Variants in ENKUR observed in about 807,000 individuals in gnomAD.
The protein encoded by ENKUR is enkurin.
ENKUR carries 19 observed loss-of-function variants against 27.6 expected under a neutral mutation model. The observed-to-expected ratio is 0.69, with a 90% CI of 0.48 to 1.01. The LOEUF (loss-of-function observed/expected upper bound fraction) is 1.01. Ranked by LOEUF, ENKUR falls within the 50% of genes least tolerant of loss-of-function variation. The pLI, the probability that ENKUR is intolerant of heterozygous loss-of-function variation, is 0.00. For synonymous variants in ENKUR, 117 were observed against 96.9 expected (o/e 1.21, Z -1.22); for missense variants, 312 against 310.5 (o/e 1.00, Z -0.04).
chr10:24,995,560 A>T, intron 3 of ENKUR, 86 bp downstream of exon 3: 1 of 1,186,914 alleles, frequency 8.4e-7, no homozygotes, highest in Non-Finnish European at 1.2e-6. Context: ...TGAGAGCACT[A>T]ATAATGATAA....
intron 2 of ENKUR, among the ~76,000 whole-genome samples, chr10:25,031,388 G>A (rs1411667910): frequency 6.6e-6 from 1 of 152,148 alleles, no homozygotes; most frequent in Non-Finnish European, 1.5e-5. Flanking sequence ...AGGTCATGTG[G>A]AAAGAGGCCT....
chr10:25,040,637 T>G (rs1002892453), intron 2 of ENKUR, among the ~76,000 whole-genome samples: 1 of 152,218 alleles, frequency 6.6e-6, no homozygotes, highest in Admixed American at 6.5e-5. Context: ...CCCAAAGTGC[T>G]GGGATTACAG....
At chr10:25,006,174 C>A (rs1035286668) in intron 1 of ENKUR, among the ~76,000 whole-genome samples, 1 of 151,902 alleles carries the variant, frequency 6.6e-6, no homozygotes, top group African/African-American at 2.4e-5. Context: ...AGCTGCACAC[C>A]CAGAGCACAA....
In ENKUR at chr10:25,016,127, T is replaced by A. The variant is rs1850565409; in HGVS notation, c.-191A>T. 9 of 1,254,660 alleles carry A rather than the reference T, an allele frequency of 7.2e-6. No individual in the cohort carries two copies. Among genetic ancestry groups the A allele is most frequent in the Non-Finnish European group, 8.0e-6 (8 of 997,740 alleles). 77.7% of individuals were successfully genotyped at this position (1,254,660 alleles called of 1,614,324 possible). ...CTCTCTCGGGAAGAAAACACCCTAT[T>A]TCTCTCCGGATTGCTAAGCGTCGTT... On this transcript the variant is annotated 5_prime_UTR_variant, in exon 1 of 6. Transcript: ENST00000331161.
intron 2 of ENKUR, among the ~76,000 whole-genome samples, chr10:25,052,768 CTCT>C (rs753489273): frequency 4.1e-4 from 54 of 133,266 alleles, no homozygotes; most frequent in South Asian, 1.1e-3. Flanking sequence ...GTGAGACTCT[CTCT>C]TTTTTTTCTT....
At chr10:25,037,124 T>C (rs1851017496) in intron 2 of ENKUR, among the ~76,000 whole-genome samples, 1 of 152,178 alleles carries the variant, frequency 6.6e-6, no homozygotes, top group African/African-American at 2.4e-5. Flanking sequence ...GTTGTGAAGA[T>C]GAAGCTAGAA....
intron 2 of ENKUR, among the ~76,000 whole-genome samples, chr10:24,999,003 T>C (rs145965049): frequency 2.6e-5 from 4 of 152,318 alleles, no homozygotes; most frequent in African/African-American, 4.8e-5. Flanking sequence ...CAACTGGTAG[T>C]AATGGTTGTA....
At chr10:25,061,373 G>A in intron 1 of ENKUR, 2 of 558,736 alleles carry the variant, frequency 3.6e-6, no homozygotes, top group East Asian at 6.0e-5. Flanking sequence ...ATGGGCTCTG[G>A]AAGGAGGAGT....
At chr10:25,008,367 A>C (rs909175041) in intron 1 of ENKUR, among the ~76,000 whole-genome samples, 3 of 152,226 alleles carry the variant, frequency 2.0e-5, no homozygotes, top group African/African-American at 4.8e-5. Flanking sequence ...TAAGACAAGA[A>C]ACTCTGGATC....
At position 25,024,413 on chromosome 10, in the gene ENKUR, A is replaced by G. The variant is rs780227831; in HGVS notation, c.38-28544T>C. On this transcript the variant is annotated intron_variant, in intron 2 of 5. Coordinates refer to the ENKUR transcript ENST00000615958. ...GGTTTTAGTCGTCTAAATAAGAATG[A>G]TAAGCAAAGGATAGCTGTGGTTGCA... The G allele has an allele frequency of 3.1e-6, 5 of 1,613,996 alleles. No individual in the cohort carries two copies. Among genetic ancestry groups the G allele is most frequent in the East Asian group, 2.2e-5 (1 of 44,886 alleles).
upstream of ENKUR, among the ~76,000 whole-genome samples, chr10:25,019,002 C>T (rs1850667307): frequency 6.6e-6 from 1 of 152,132 alleles, no homozygotes; most frequent in Non-Finnish European, 1.5e-5. Flanking sequence ...ACCCTCACCT[C>T]TGTTTCATGG....
At chr10:25,055,997 T>C (rs1851251623) in intron 2 of ENKUR, among the ~76,000 whole-genome samples, 3 of 152,088 alleles carry the variant, frequency 2.0e-5, no homozygotes, top group African/African-American at 7.2e-5. Context: ...ACCATTATCA[T>C]TGTCATGATC....
At position 24,999,530 on chromosome 10, in the gene ENKUR, T is replaced by C. The variant is rs1850141892; in HGVS notation, c.94A>G (p.Lys32Glu). Residue 32 changes from lysine (K) to glutamate (E), a missense_variant, in exon 2 of 6, where the codon AAG becomes GAG. Physicochemically the swap from Lys to Glu is moderately conservative, Grantham distance 56. Coordinates refer to ENST00000331161, the MANE Select transcript of ENKUR (RefSeq NM_145010.4). Reference sequence around the variant, plus strand: ...TGCATGTCATCTTTTACAGTTGCCTTAAAAATGGATATGTACCTAAAATTG... The same window carrying C: ...TGCATGTCATCTTTTACAGTTGCCTCAAAAATGGATATGTACCTAAAATTG... The part of the protein sequence containing the change: ...PQPPRYISIF[K>E]ATVKDDMQKA... The C allele has an allele frequency of 6.2e-7, 1 of 1,608,920 alleles. No individual in the cohort carries two copies. The highest frequency in any genetic ancestry group is 8.5e-7 in the Non-Finnish European group (1 of 1,178,478).
At chr10:25,060,248 C>A (rs1851311597) in intron 2 of ENKUR, among the ~76,000 whole-genome samples, 1 of 152,072 alleles carries the variant, frequency 6.6e-6, no homozygotes, top group Admixed American at 6.6e-5. Flanking sequence ...TGCAAGCAGA[C>A]CGGGCGCCAG....
chr10:25,037,172 G>C (rs1210649937), intron 2 of ENKUR, among the ~76,000 whole-genome samples: 1 of 152,172 alleles, frequency 6.6e-6, no homozygotes, highest in African/African-American at 2.4e-5. Flanking sequence ...TTTTCTGAAA[G>C]CTATGAGGTG....
At chr10:24,995,057 T>C (rs1053734175) in intron 3 of ENKUR, among the ~76,000 whole-genome samples, 4 of 152,152 alleles carry the variant, frequency 2.6e-5, no homozygotes, top group African/African-American at 9.7e-5. Flanking sequence ...TGTTCACCAA[T>C]GAAATTACAC....
At chr10:25,040,007 G>T (rs573677353) in intron 2 of ENKUR, among the ~76,000 whole-genome samples, 3 of 79,514 alleles carry the variant, frequency 3.8e-5, no homozygotes, top group African/African-American at 1.9e-4. Flanking sequence ...GCCGTGGTAC[G>T]TACTCTGTTC....
intron 2 of ENKUR, among the ~76,000 whole-genome samples, chr10:24,997,337 T>C (rs959553658): frequency 4.0e-5 from 6 of 151,814 alleles, no homozygotes; most frequent in East Asian, 3.9e-4. Context: ...AGAACTCTCA[T>C]TGGACCGAGT....
chr10:25,042,670 A>C (rs1851077840), intron 2 of ENKUR, among the ~76,000 whole-genome samples: 1 of 152,048 alleles, frequency 6.6e-6, no homozygotes, highest in African/African-American at 2.4e-5. Flanking sequence ...AAAATTAAGA[A>C]ATGACCTGAA....
Sources: gnomAD v4.1 joint callset for allele counts (sites outside exome capture counted in the v4.1 genomes callset) on GRCh38, gnomAD v4.1.1 for gene constraint, MANE v1.5 for transcripts, NCBI Gene and HGNC (gene_info 2026-07-23, HGNC 2026-07-21) for gene names.